MEIKIN: variants seen among roughly 807,000 people sequenced by gnomAD.
MEIKIN encodes meiosis-specific kinetochore protein.
chr5:131,844,740 A>G (rs886436826), intron 11 of MEIKIN, among the ~76,000 whole-genome samples: 1 of 152,206 alleles, frequency 6.6e-6, no homozygotes, highest in Non-Finnish European at 1.5e-5. Context: ...TGAAGATTTA[A>G]CAAGCAAGAA....
chr5:131,866,770 C>G (rs1242660439), intron 9 of MEIKIN, among the ~76,000 whole-genome samples: 2 of 152,124 alleles, frequency 1.3e-5, no homozygotes, highest in African/African-American at 4.8e-5. Context: ...GACAGGTAAT[C>G]ATGAGGAAGT....
At chr5:131,828,222 C>G (rs1445001269) in intron 11 of MEIKIN, among the ~76,000 whole-genome samples, 1 of 152,128 alleles carries the variant, frequency 6.6e-6, no homozygotes, top group Non-Finnish European at 1.5e-5. Context: ...CACGATCTCA[C>G]AATCTTGGCT....
chr5:131,837,109 C>G (rs1046813053), intron 11 of MEIKIN, among the ~76,000 whole-genome samples: 5 of 152,112 alleles, frequency 3.3e-5, no homozygotes, highest in Admixed American at 6.6e-5. Flanking sequence ...TATCCAAGTA[C>G]CATTTATTGA....
At chr5:131,924,806 T>C (rs1192171656) in intron 5 of MEIKIN, among the ~76,000 whole-genome samples, 1 of 152,214 alleles carries the variant, frequency 6.6e-6, no homozygotes. Flanking sequence ...CTGTTGATTG[T>C]TTCTTTTGCT....
chr5:131,896,210 T>C (rs1242508289), intron 8 of MEIKIN, among the ~76,000 whole-genome samples: 2 of 152,230 alleles, frequency 1.3e-5, no homozygotes, highest in African/African-American at 2.4e-5. Context: ...GTGAGTTTCT[T>C]AATCATGAGT....
At chr5:131,889,113 G>C (rs1226986938) in intron 8 of MEIKIN, among the ~76,000 whole-genome samples, 1 of 152,142 alleles carries the variant, frequency 6.6e-6, no homozygotes, top group African/African-American at 2.4e-5. Context: ...GGTTACTGTA[G>C]CCTTGTAGTA....
rs1750240155 is a variant in MEIKIN at position 131,859,047 on chromosome 5, C to T, written c.775-4213G>A. Among the ~76,000 whole-genome samples, 4 of 152,192 alleles carry T rather than the reference C, an allele frequency of 2.6e-5. No homozygotes were observed. In the South Asian group the frequency reaches 8.3e-4, roughly 31 times the overall value. Reference sequence around the variant, plus strand: ...TCTCAAAGAACTCAACGCAGAACTACCACTCGACTCAGCAATACCATTATT... The same window carrying T: ...TCTCAAAGAACTCAACGCAGAACTATCACTCGACTCAGCAATACCATTATT... On this transcript the variant is annotated intron_variant, in intron 9 of 12. Transcript: ENST00000442687.
chr5:131,887,761 G>A (rs1383462583), intron 8 of MEIKIN, among the ~76,000 whole-genome samples: 2 of 151,238 alleles, frequency 1.3e-5, no homozygotes, highest in Non-Finnish European at 2.9e-5. Flanking sequence ...ACAACATGCA[G>A]GTTTGTTACA....
chr5:131,872,415 G>T (rs1398317316), intron 9 of MEIKIN, among the ~76,000 whole-genome samples: 8 of 152,078 alleles, frequency 5.3e-5, no homozygotes. Flanking sequence ...AAGACGAAAT[G>T]AATGAAATGA....
chr5:131,844,122 C>T (rs1002898184), intron 11 of MEIKIN, among the ~76,000 whole-genome samples: 3 of 152,040 alleles, frequency 2.0e-5, no homozygotes, highest in East Asian at 1.9e-4. Flanking sequence ...AACTAGATCT[C>T]GTGAGCATTC....
Position 131,834,506 on chromosome 5 carries a change from CCT to C in MEIKIN, c.976-15645_976-15644del, listed in dbSNP as rs1013324399. ...CTCTCCATTTCCCCCAGCCCCAGCC[CCT>C]GTCAACCACCATTCTACTCTCTGCT... On this transcript the variant is annotated intron_variant, in intron 11 of 12. Transcript: ENST00000442687. 1.4e-3 allele frequency among the ~76,000 whole-genome samples: 214 copies of C among 152,276 alleles called. 1 individual carries two copies. The highest frequency in any genetic ancestry group is 5.0e-3 in the African/African-American group (208 of 41,550).
rs1248664392 is a variant in MEIKIN at position 131,922,273 on chromosome 5, TAC to T, written c.479-334_479-333del. ...TTAAAAATCGCATCACTAAATAACA[TAC>T]AGTCAGCCCTTTGTATTTATGAGTT... is the stretch of plus-strand genomic sequence containing the variant. On this transcript the variant is annotated intron_variant, in intron 5 of 12. Coordinates refer to ENST00000442687, the MANE Select transcript of MEIKIN (RefSeq NM_001303622.2). 3.9e-5 allele frequency among the ~76,000 whole-genome samples: 6 copies of T among 152,298 alleles called. No homozygotes were observed. The South Asian group carries it at 8.3e-4, about 21-fold the overall frequency.
intron 8 of MEIKIN, among the ~76,000 whole-genome samples, chr5:131,888,584 G>C (rs1015301100): frequency 1.1e-4 from 16 of 151,732 alleles, no homozygotes; most frequent in Non-Finnish European, 2.1e-4. Flanking sequence ...AAATTTGTTT[G>C]AGTTCATTGT....
intron 4 of MEIKIN, among the ~76,000 whole-genome samples, chr5:131,936,595 T>G (rs1188507507): frequency 6.6e-6 from 1 of 152,204 alleles, no homozygotes; most frequent in African/African-American, 2.4e-5. Context: ...TTGTTCCAAC[T>G]TTTTTTTCTT....
chr5:131,831,676 G>A (rs1183750650), intron 11 of MEIKIN, among the ~76,000 whole-genome samples: 1 of 152,156 alleles, frequency 6.6e-6, no homozygotes, highest in Non-Finnish European at 1.5e-5. Flanking sequence ...TCATGCTGCT[G>A]ATAAAGACAT....
At chr5:131,936,462 C>A (rs1751778427) in intron 4 of MEIKIN, among the ~76,000 whole-genome samples, 2 of 152,178 alleles carry the variant, frequency 1.3e-5, no homozygotes, top group Non-Finnish European at 2.9e-5. Flanking sequence ...CGTAGCCAAG[C>A]CCTATACTGT....
intron 11 of MEIKIN, among the ~76,000 whole-genome samples, chr5:131,843,857 T>C (rs188665120): frequency 5.4e-4 from 83 of 152,328 alleles, no homozygotes; most frequent in Middle Eastern, 3.4e-3. Flanking sequence ...GGTACCTTTA[T>C]AGCAATGCCC....
intron 8 of MEIKIN, among the ~76,000 whole-genome samples, chr5:131,889,766 G>A (rs989569066): frequency 1.3e-5 from 2 of 152,196 alleles, no homozygotes; most frequent in South Asian, 2.1e-4. Flanking sequence ...GGAGTAATGC[G>A]AGAGGGCATC....
At chr5:131,940,579 T>G (rs997788563) in intron 4 of MEIKIN, among the ~76,000 whole-genome samples, 2 of 152,212 alleles carry the variant, frequency 1.3e-5, no homozygotes, top group African/African-American at 4.8e-5. Flanking sequence ...GTTTGGATAT[T>G]CCTGGTTGCT....
Sources: gnomAD v4.1 joint callset for allele counts (sites outside exome capture counted in the v4.1 genomes callset) on GRCh38, gnomAD v4.1.1 for gene constraint, MANE v1.5 for transcripts, NCBI Gene and HGNC (gene_info 2026-07-23, HGNC 2026-07-21) for gene names.